The following RPS6KC1 variants were observed in gnomAD, a reference collection of about 807,000 sequenced individuals.
RPS6KC1 encodes the protein inactive ribosomal protein S6 kinase delta-1.
Under a neutral mutation model 103.8 loss-of-function variants are expected in RPS6KC1, and 54 were observed. The observed-to-expected ratio is 0.52, with a 90% CI of 0.42 to 0.65. The LOEUF is 0.65. Ranked by LOEUF, RPS6KC1 falls within the 30% of genes least tolerant of loss-of-function variation. RPS6KC1 has a pLI of 0.00. For missense variants in RPS6KC1, 1,151 were observed against 1,253.8 expected (o/e 0.92, Z 1.24); for synonymous variants, 439 against 438.7 (o/e 1.00, Z -0.01).
At chr1:213,751,266 G>A in the RPS6KC1 span, among the ~76,000 whole-genome samples, 2 of 152,040 alleles carry the variant, frequency 1.3e-5, no homozygotes, top group Non-Finnish European at 2.9e-5. Context: ...AGGAGAGCAT[G>A]CACAGAGTGT....
the RPS6KC1 span, among the ~76,000 whole-genome samples, chr1:213,451,179 G>T: frequency 6.6e-5 from 10 of 152,284 alleles, no homozygotes; most frequent in South Asian, 2.1e-3. Context: ...GAAAACAGTT[G>T]TCACATTTCT....
the RPS6KC1 span, among the ~76,000 whole-genome samples, chr1:213,346,694 A>G: frequency 6.6e-6 from 1 of 152,184 alleles, no homozygotes; most frequent in East Asian, 1.9e-4. Context: ...TACATTATAA[A>G]TGACAAATAT....
At chr1:213,544,235 CCTT>C in the RPS6KC1 span, among the ~76,000 whole-genome samples, 1 of 152,086 alleles carries the variant, frequency 6.6e-6, no homozygotes, top group Non-Finnish European at 1.5e-5. Context: ...GCGAGAGAAT[CCTT>C]CTGCTGCAGG....
chr1:213,127,400 T>C (rs1021379177), intron 5 of RPS6KC1, among the ~76,000 whole-genome samples: 2 of 152,222 alleles, frequency 1.3e-5, no homozygotes, highest in African/African-American at 4.8e-5. Flanking sequence ...TCTTAACCCT[T>C]GTCACTTGTC....
chr1:213,752,503 G>A, the RPS6KC1 span, among the ~76,000 whole-genome samples: 1 of 152,154 alleles, frequency 6.6e-6, no homozygotes, highest in African/African-American at 2.4e-5. Flanking sequence ...GATGTGGAAT[G>A]GTCAGGGGAA....
chr1:213,519,427 G>A, the RPS6KC1 span, among the ~76,000 whole-genome samples: 1,663 of 152,246 alleles, frequency 0.011, 26 homozygotes, highest in African/African-American at 0.036. Context: ...ATTCACTGGG[G>A]GGAAAAGATA....
chr1:213,626,760 G>A, the RPS6KC1 span, among the ~76,000 whole-genome samples: 486 of 152,080 alleles, frequency 3.2e-3, 3 homozygotes, highest in Non-Finnish European at 4.2e-3. Flanking sequence ...TATTTCTGAG[G>A]GCTCTGTTCT....
At chr1:213,342,837 A>G in the RPS6KC1 span, among the ~76,000 whole-genome samples, 1 of 152,188 alleles carries the variant, frequency 6.6e-6, no homozygotes, top group Non-Finnish European at 1.5e-5. Context: ...GATGATTTAG[A>G]GAACGGAAGA....
intron 8 of RPS6KC1, among the ~76,000 whole-genome samples, chr1:213,215,340 A>G (rs1411185414): frequency 6.6e-6 from 1 of 152,206 alleles, no homozygotes; most frequent in Non-Finnish European, 1.5e-5. Flanking sequence ...AAAGAATAAA[A>G]AGAAACGAAC....
At chr1:213,507,697 G>A in the RPS6KC1 span, among the ~76,000 whole-genome samples, 1 of 152,076 alleles carries the variant, frequency 6.6e-6, no homozygotes, top group Non-Finnish European at 1.5e-5. Context: ...CAAACACATT[G>A]CACAATAGCT....
the RPS6KC1 span, among the ~76,000 whole-genome samples, chr1:213,699,392 C>T: frequency 1.3e-5 from 2 of 152,092 alleles, no homozygotes; most frequent in African/African-American, 4.8e-5. Flanking sequence ...ATGACAGGAT[C>T]TCATTTTTTA....
At chr1:213,254,343 G>T (rs2094597452) in intron 12 of RPS6KC1, among the ~76,000 whole-genome samples, 1 of 152,156 alleles carries the variant, frequency 6.6e-6, no homozygotes, top group South Asian at 2.1e-4. Context: ...TACATTAAAA[G>T]ATGATAATGG....
chr1:213,255,995 G>A (rs1403293252), intron 12 of RPS6KC1, among the ~76,000 whole-genome samples: 1 of 152,172 alleles, frequency 6.6e-6, no homozygotes, highest in African/African-American at 2.4e-5. Context: ...AAGCTGCATT[G>A]TTAAGGGGAT....
chr1:213,844,528 T>C, the RPS6KC1 span, among the ~76,000 whole-genome samples: 3 of 152,214 alleles, frequency 2.0e-5, no homozygotes, highest in Non-Finnish European at 2.9e-5. Flanking sequence ...TAGAATATGC[T>C]GAAAGAAGTA....
At chr1:213,137,189 C>A (rs544793771) in intron 6 of RPS6KC1, among the ~76,000 whole-genome samples, 179 of 152,180 alleles carry the variant, frequency 1.2e-3, no homozygotes, top group African/African-American at 3.2e-3. Context: ...TTTGGCCTTT[C>A]ACTGCCACAC....
chr1:213,820,547 G>A, the RPS6KC1 span: 1 of 152,340 alleles, frequency 6.6e-6, no homozygotes, highest in African/African-American at 2.4e-5. Flanking sequence ...AGCTTTGTCA[G>A]AGAGCCTCTA....
chr1:213,442,199 A>G, the RPS6KC1 span, among the ~76,000 whole-genome samples: 2 of 152,212 alleles, frequency 1.3e-5, no homozygotes, highest in Non-Finnish European at 2.9e-5. Context: ...GATTCCTACG[A>G]GTGCCTCTCC....
At chr1:213,373,545 A>C in the RPS6KC1 span, among the ~76,000 whole-genome samples, 1 of 152,358 alleles carries the variant, frequency 6.6e-6, no homozygotes, top group Middle Eastern at 3.4e-3. Flanking sequence ...AAGAAAACCC[A>C]TCCATAAGTA....
chr1:213,712,427 C>T, the RPS6KC1 span, among the ~76,000 whole-genome samples: 1 of 152,344 alleles, frequency 6.6e-6, no homozygotes, highest in South Asian at 2.1e-4. Flanking sequence ...GAATTTTAAG[C>T]CAGTGGATCT....
Sources: allele counts gnomAD v4.1 joint callset (sites outside exome capture counted in the v4.1 genomes callset), GRCh38; gene constraint gnomAD v4.1.1; transcripts MANE v1.5; gene names NCBI Gene and HGNC (gene_info 2026-07-23, HGNC 2026-07-21).